NBAS: variants seen among roughly 807,000 people sequenced by gnomAD.
NBAS encodes the protein NBAS subunit of NRZ tethering complex, also known as NAG/BC035112 fusion.
A neutral mutation model predicts 302.5 loss-of-function variants in NBAS; 219 were observed. That is an observed-to-expected ratio of 0.72 (90% CI 0.65 to 0.81). The LOEUF (loss-of-function observed/expected upper bound fraction) is 0.81. Ranked by LOEUF, NBAS falls within the 30% of genes least tolerant of loss-of-function variation. NBAS has a pLI of 0.00. For synonymous variants in NBAS, 1,118 were observed against 1,021.6 expected (o/e 1.09, Z -1.80); for missense variants, 2,932 against 2,841.6 (o/e 1.03, Z -0.72).
At chr2:14,960,709 A>C in the NBAS span, among the ~76,000 whole-genome samples, 1 of 152,188 alleles carries the variant, frequency 6.6e-6, no homozygotes, top group Admixed American at 6.5e-5. Context: ...GTTTTGAGGA[A>C]AAAAATAAGG....
At chr2:15,088,708 T>C in the NBAS span, among the ~76,000 whole-genome samples, 1 of 152,206 alleles carries the variant, frequency 6.6e-6, no homozygotes. Context: ...CATAGGATGT[T>C]AGAGCTTGAA....
chr2:15,055,413 A>G, the NBAS span, among the ~76,000 whole-genome samples: 1 of 152,050 alleles, frequency 6.6e-6, no homozygotes, highest in Admixed American at 6.5e-5. Context: ...ACCTTCTCCT[A>G]TTCATGCTCC....
At chr2:15,257,877 C>T (rs181351006) in intron 44 of NBAS, among the ~76,000 whole-genome samples, 8 of 152,280 alleles carry the variant, frequency 5.3e-5, no homozygotes, top group African/African-American at 1.9e-4. Flanking sequence ...GTACTCATAT[C>T]TATGCAAATA....
At chr2:14,892,595 CTT>C in the NBAS span, among the ~76,000 whole-genome samples, 1 of 152,118 alleles carries the variant, frequency 6.6e-6, no homozygotes, top group Admixed American at 6.5e-5. Flanking sequence ...TCCTAGTTAA[CTT>C]AGTCGTATTT....
intron 10 of NBAS, among the ~76,000 whole-genome samples, chr2:15,508,617 T>G (rs141475338): frequency 4.7e-5 from 7 of 149,824 alleles, no homozygotes; most frequent in African/African-American, 1.7e-4. Context: ...GTTATTAACA[T>G]TTTGTCACAT....
chr2:14,857,292 A>G, the NBAS span, among the ~76,000 whole-genome samples: 1 of 152,234 alleles, frequency 6.6e-6, no homozygotes, highest in African/African-American at 2.4e-5. Flanking sequence ...CAAAATACCA[A>G]TGATGTTCTT....
chr2:15,516,897 T>C lies in NBAS; in HGVS notation c.747-5547A>G, dbSNP rs529235557. The stretch of plus-strand genomic sequence containing the variant: ...GAAATCCAAAAGCCAATAATGCAGA[T>C]TAAAACAACACAGATTTACACCAAT... On this transcript the variant is annotated intron_variant, in intron 9 of 51. Transcript: ENST00000281513. 2.6e-5 allele frequency among the ~76,000 whole-genome samples: 4 copies of C among 152,172 alleles called. No individual in the cohort carries two copies. In the East Asian group the frequency reaches 7.7e-4, roughly 29 times the overall value.
the NBAS span, among the ~76,000 whole-genome samples, chr2:14,785,431 A>C: frequency 6.6e-6 from 1 of 152,156 alleles, no homozygotes; most frequent in Non-Finnish European, 1.5e-5. Flanking sequence ...GTTTTTGCCC[A>C]TTCAGTATGA....
At chr2:15,531,814 A>G (rs1408261774) in intron 9 of NBAS, among the ~76,000 whole-genome samples, 1 of 152,160 alleles carries the variant, frequency 6.6e-6, no homozygotes, top group Admixed American at 6.5e-5. Context: ...CACCTATTCC[A>G]AGTCTTTGCA....
At chr2:14,956,843 A>G in the NBAS span, among the ~76,000 whole-genome samples, 2 of 152,204 alleles carry the variant, frequency 1.3e-5, no homozygotes, top group African/African-American at 2.4e-5. Context: ...TTGGGTGGGG[A>G]CACAGCCAAA....
the NBAS span, among the ~76,000 whole-genome samples, chr2:15,102,352 C>T: frequency 2.6e-5 from 4 of 152,314 alleles, no homozygotes; most frequent in African/African-American, 9.6e-5. Context: ...CACCCAGGAA[C>T]TGCAGACACC....
In NBAS at chr2:15,428,993, G is replaced by A. The variant is rs763025902; in HGVS notation, c.2340-1199C>T. Among the ~76,000 whole-genome samples, 5 of 150,714 alleles carry A rather than the reference G, an allele frequency of 3.3e-5. 1 individual carries two copies. The highest frequency in any genetic ancestry group is 1.3e-4 in the Admixed American group (2 of 15,112). On this transcript the variant is annotated intron_variant, in intron 21 of 51. Coordinates refer to ENST00000281513, the MANE Select transcript of NBAS (RefSeq NM_015909.4). ...GCAGAGCTCACAGTGAGCTCAGATC[G>A]TGCCACTGTACTTCAGCCTGGGTGA...
At chr2:15,242,431 G>A (rs1415654602) in intron 44 of NBAS, among the ~76,000 whole-genome samples, 1 of 152,080 alleles carries the variant, frequency 6.6e-6, no homozygotes, top group Admixed American at 6.6e-5. Flanking sequence ...TATGTAAGGT[G>A]TTTTATTTGA....
intron 26 of NBAS, among the ~76,000 whole-genome samples, chr2:15,399,696 G>A (rs1459733252): frequency 6.6e-6 from 1 of 152,070 alleles, no homozygotes; most frequent in Non-Finnish European, 1.5e-5. Context: ...ATACCCTAAA[G>A]GTCTGAAGGT....
At chr2:15,439,646 C>T (rs565562167) in intron 21 of NBAS, among the ~76,000 whole-genome samples, 3 of 152,094 alleles carry the variant, frequency 2.0e-5, no homozygotes, top group African/African-American at 4.8e-5. Flanking sequence ...GAGTGCCAGA[C>T]AGTGGGCGCA....
At chr2:15,453,965 G>C (rs1055149878) in intron 21 of NBAS, among the ~76,000 whole-genome samples, 4 of 151,966 alleles carry the variant, frequency 2.6e-5, no homozygotes, top group Admixed American at 6.6e-5. Flanking sequence ...TTTTAGTAGA[G>C]ACAGGGTTTC....
At chr2:15,337,502 G>C (rs1672644916) in intron 35 of NBAS, among the ~76,000 whole-genome samples, 1 of 151,930 alleles carries the variant, frequency 6.6e-6, no homozygotes, top group Admixed American at 6.6e-5. Context: ...AAAAATGTAG[G>C]CCACAAAACA....
At chr2:15,400,851 A>G (rs1225244754) in intron 26 of NBAS, among the ~76,000 whole-genome samples, 1 of 152,206 alleles carries the variant, frequency 6.6e-6, no homozygotes, top group Non-Finnish European at 1.5e-5. Flanking sequence ...CAGTTAATGC[A>G]TAGAATATCC....
At chr2:15,305,866 G>A (rs1002472768) in intron 40 of NBAS, among the ~76,000 whole-genome samples, 1 of 152,170 alleles carries the variant, frequency 6.6e-6, no homozygotes, top group African/African-American at 2.4e-5. Flanking sequence ...AGATGATATA[G>A]TTGGAATGGA....
Sources: allele counts gnomAD v4.1 joint callset (sites outside exome capture counted in the v4.1 genomes callset), GRCh38; gene constraint gnomAD v4.1.1; transcripts MANE v1.5; gene names NCBI Gene and HGNC (gene_info 2026-07-23, HGNC 2026-07-21).